Variants in TCF20 observed in about 807,000 individuals in gnomAD.
The protein encoded by TCF20 is transcription factor 20.
In TCF20, 3 loss-of-function variants were observed where a neutral mutation model predicts 148.6. The observed-to-expected ratio is 0.02, with a 90% CI of 0.01 to 0.05. The LOEUF (loss-of-function observed/expected upper bound fraction) is 0.05, where lower values mean the gene tolerates loss of function less well. Among genes scored for constraint, TCF20 ranks in the 10% least tolerant of loss-of-function variants. The pLI, the probability that TCF20 is intolerant of heterozygous loss-of-function variation, is 1.00. For synonymous variants in TCF20, 1,049 were observed against 909.5 expected, an observed-to-expected ratio of 1.15 and a Z score of -2.76; for missense variants, 2,350 against 2,429.3, an observed-to-expected ratio of 0.97 and a Z score of 0.69.
chr22:42,281,168 T>A (rs934658581), intron 1 of TCF20, among the ~76,000 whole-genome samples: 1 of 152,136 alleles, frequency 6.6e-6, no homozygotes, highest in African/African-American at 2.4e-5. Context: ...GCTCAGAATG[T>A]GGCCTGGGCT....
intron 1 of TCF20, among the ~76,000 whole-genome samples, chr22:42,337,796 C>T (rs1425713690): frequency 2.0e-5 from 3 of 152,254 alleles, no homozygotes; most frequent in Admixed American, 1.3e-4. Context: ...TGGGCTCTGC[C>T]TCCTTCCATG....
chr22:42,195,588 C>T (rs1287519871), intron 2 of TCF20, among the ~76,000 whole-genome samples: 1 of 151,618 alleles, frequency 6.6e-6, no homozygotes, highest in South Asian at 2.1e-4. Context: ...GCAACCTCCA[C>T]CTCCCGGTTC....
In TCF20 at chr22:42,210,864, C is replaced by A. The variant is rs1482601533; in HGVS notation, c.4442G>T (p.Gly1481Val). 1.2e-6 allele frequency: 2 copies of A among 1,614,086 alleles called. No homozygotes were observed. Among genetic ancestry groups the A allele is most frequent in the African/African-American group, 2.7e-5 (2 of 74,920 alleles). The change falls in exon 2 of 6, where the codon GGT becomes GTT. Residue 1481 changes from glycine (G) to valine (V), a missense_variant. Gly to Val is a moderately radical substitution (Grantham distance 109, BLOSUM62 -3). Around this residue, in one of 7 missense-constraint regions of TCF20, gnomAD observed 231 missense variants for 213.7 expected, o/e 1.08. Transcript: ENST00000677622. This position sits in a 1 kb window ranked among gnomAD's most constrained non-coding sequence, Gnocchi z 4.7. ...TAAAGGTGCTGTTCCACCCAGGGAA[C>A]CATCTGGTCTCCCTTGGTTACTACC... is the stretch of plus-strand genomic sequence containing the variant. ...KPGSNQGRPD[G>V]SLGGTAPLIF...
At chr22:42,237,422 A>G (rs1923985598) in intron 1 of TCF20, among the ~76,000 whole-genome samples, 1 of 152,166 alleles carries the variant, frequency 6.6e-6, no homozygotes, top group African/African-American at 2.4e-5. Context: ...TTTCTACCAC[A>G]TCTGCAGTTC....
At chr22:42,247,951 T>C (rs1056975116) in intron 1 of TCF20, among the ~76,000 whole-genome samples, 7 of 152,220 alleles carry the variant, frequency 4.6e-5, no homozygotes, top group East Asian at 3.8e-4. Flanking sequence ...AAAGTGAATA[T>C]TGTAGACTGA....
At chr22:42,238,535 T>C (rs1391901322) in intron 1 of TCF20, among the ~76,000 whole-genome samples, 1 of 152,246 alleles carries the variant, frequency 6.6e-6, no homozygotes, top group East Asian at 1.9e-4. Context: ...TCAGCCTATC[T>C]TGGCTTTTGA....
At chr22:42,193,740 G>A (rs76140854) in intron 2 of TCF20, among the ~76,000 whole-genome samples, 3,235 of 152,204 alleles carry the variant, frequency 0.021, 131 homozygotes, top group African/African-American at 0.074. Flanking sequence ...TAGGGGCTAA[G>A]TGATGTTATA....
At chr22:42,203,434 A>T (rs1284180363) in intron 2 of TCF20, among the ~76,000 whole-genome samples, 1 of 152,242 alleles carries the variant, frequency 6.6e-6, no homozygotes, top group Non-Finnish European at 1.5e-5. Flanking sequence ...GTAAAATTTG[A>T]GTCCTTCAAT....
chr22:42,323,903 A>AGGTGGTGGCGGAGGTTATGGTGGT lies in TCF20; in HGVS notation c.-37+19575_-37+19576insACCACCATAACCTCCGCCACCACC, dbSNP rs1927790604. Among the ~76,000 whole-genome samples, 4 of 16,882 alleles carry AGGTGGTGGCGGAGGTTATGGTGGT rather than the reference A, an allele frequency of 2.4e-4. 1 individual carries two copies. The highest frequency in any genetic ancestry group is 4.1e-3 in the East Asian group (2 of 492). The allele number at this position is 16,882 out of a possible 152,430, so 11.1% of individuals were successfully genotyped here. On this transcript the variant is annotated intron_variant, in intron 1 of 1. Transcript: ENST00000515426. ...GTGGTGATGGAGGTTATGGTGGTGG[A>AGGTGGTGGCGGAGGTTATGGTGGT]GGTGGTGGTGGTGATGGAGGTTATG... is the stretch of plus-strand genomic sequence containing the variant.
intron 1 of TCF20, among the ~76,000 whole-genome samples, chr22:42,337,806 G>C (rs1412108537): frequency 6.6e-6 from 1 of 152,252 alleles, no homozygotes; most frequent in Non-Finnish European, 1.5e-5. Context: ...CTCCTTCCAT[G>C]TGATGACCTT....
intron 3 of TCF20, among the ~76,000 whole-genome samples, chr22:42,176,988 G>A (rs964968760): frequency 1.3e-5 from 2 of 152,176 alleles, no homozygotes; most frequent in Admixed American, 1.3e-4. Context: ...CAAATGACTA[G>A]AAGATACCAA....
At chr22:42,254,794 G>A (rs984759495) in intron 1 of TCF20, among the ~76,000 whole-genome samples, 1 of 151,942 alleles carries the variant, frequency 6.6e-6, no homozygotes, top group African/African-American at 2.4e-5. Context: ...GTGAAACCCC[G>A]TCTCTACTAA....
chr22:42,223,683 C>T (rs528312734), intron 1 of TCF20, among the ~76,000 whole-genome samples: 14 of 152,302 alleles, frequency 9.2e-5, no homozygotes, highest in African/African-American at 3.4e-4. Context: ...CATTGGGAAG[C>T]ATTTTAGAAA....
At chr22:42,230,948 C>A (rs1923344828) in intron 1 of TCF20, among the ~76,000 whole-genome samples, 1 of 152,078 alleles carries the variant, frequency 6.6e-6, no homozygotes, top group Non-Finnish European at 1.5e-5. Context: ...CACATGGGGT[C>A]TGGAATTCCA....
At chr22:42,207,162 C>G (rs983099947) in intron 2 of TCF20, among the ~76,000 whole-genome samples, 1 of 152,082 alleles carries the variant, frequency 6.6e-6, no homozygotes, top group Non-Finnish European at 1.5e-5. Flanking sequence ...GATCCTTAAC[C>G]CAGTTCAACC....
At chr22:42,336,180 C>A (rs932535956) in intron 1 of TCF20, among the ~76,000 whole-genome samples, 5 of 152,198 alleles carry the variant, frequency 3.3e-5, no homozygotes, top group Admixed American at 3.3e-4. Context: ...CAGCCGGGAT[C>A]TGTTGGGGAG....
intron 1 of TCF20, among the ~76,000 whole-genome samples, chr22:42,245,154 C>T (rs139417741): frequency 9.9e-4 from 150 of 152,280 alleles, no homozygotes; most frequent in Non-Finnish European, 1.7e-3. Context: ...CATGCAAGAG[C>T]AAGTAATTCA....
chr22:42,232,296 G>A (rs1258583458), intron 1 of TCF20, among the ~76,000 whole-genome samples: 1 of 152,096 alleles, frequency 6.6e-6, no homozygotes, highest in Admixed American at 6.5e-5. Context: ...ACCCAGGCTA[G>A]GTGTGTGTAA....
intron 2 of TCF20, among the ~76,000 whole-genome samples, chr22:42,200,459 G>C (rs1400326507): frequency 5.3e-5 from 8 of 151,930 alleles, no homozygotes; most frequent in African/African-American, 1.9e-4. Flanking sequence ...TGGCCAACAT[G>C]GTCAAACCCC....
Sources: gnomAD v4.1 joint callset for allele counts (sites outside exome capture counted in the v4.1 genomes callset) on GRCh38, gnomAD v4.1.1 for gene constraint, gnomAD v4.1.1 regional missense constraint, Gnocchi (gnomAD v3.1) non-coding constraint, MANE v1.5 for transcripts, NCBI Gene and HGNC (gene_info 2026-07-23, HGNC 2026-07-21) for gene names.